The following ERBB4 variants were observed in gnomAD, a reference collection of about 807,000 sequenced individuals.
ERBB4 encodes erb-b2 receptor tyrosine kinase 4.
A neutral mutation model predicts 158.0 loss-of-function variants in ERBB4; 42 were observed. The ratio of observed to expected loss-of-function variants is 0.27; its 90% CI spans 0.21 to 0.34. The LOEUF is 0.34. Ranked by LOEUF, ERBB4 falls within the 10% of genes least tolerant of loss-of-function variation. ERBB4 has a pLI of 1.00. For synonymous variants in ERBB4, 583 were observed against 558.7 expected (o/e 1.04, Z -0.61); for missense variants, 1,333 against 1,624.1 (o/e 0.82, Z 3.08).
chr2:211,727,246 A>C (rs997409117), intron 5 of ERBB4, among the ~76,000 whole-genome samples: 3 of 152,176 alleles, frequency 2.0e-5, no homozygotes, highest in African/African-American at 7.2e-5. Flanking sequence ...AATAGGATTG[A>C]AGATAAATAT....
intron 22 of ERBB4, among the ~76,000 whole-genome samples, chr2:211,425,573 A>C (rs967997567): frequency 1.1e-4 from 17 of 152,000 alleles, no homozygotes; most frequent in Admixed American, 3.3e-4. Flanking sequence ...GGCAGGCTGC[A>C]ACAAGTTAAG....
chr2:212,344,684 A>G lies in ERBB4; in HGVS notation c.82+193765T>C, dbSNP rs140337441. Among the ~76,000 whole-genome samples the G allele has an allele frequency of 6.4e-3, 968 of 152,258 alleles. 9 individuals are homozygous for G. The highest frequency in any genetic ancestry group is 0.02 in the African/African-American group (831 of 41,534). On this transcript the variant is annotated intron_variant, in intron 1 of 27. Coordinates refer to ENST00000342788, the MANE Select transcript of ERBB4 (RefSeq NM_005235.3). Reference sequence around the variant, plus strand: ...ACCTTATTTCAACTCTAAAAGTCCTACTTTCATGGTATATAACAATGCAGT... The same window carrying G: ...ACCTTATTTCAACTCTAAAAGTCCTGCTTTCATGGTATATAACAATGCAGT...
chr2:211,599,942 A>G (rs1481423041), intron 19 of ERBB4, among the ~76,000 whole-genome samples: 1 of 152,136 alleles, frequency 6.6e-6, no homozygotes, highest in Non-Finnish European at 1.5e-5. Context: ...CCACTTCTCA[A>G]TATGGGTGCT....
intron 2 of ERBB4, among the ~76,000 whole-genome samples, chr2:212,006,979 T>C (rs973822195): frequency 6.6e-6 from 1 of 152,024 alleles, no homozygotes; most frequent in African/African-American, 2.4e-5. Flanking sequence ...TTACCTAAAA[T>C]AATAATTCAA....
intron 12 of ERBB4, among the ~76,000 whole-genome samples, chr2:211,701,453 G>T (rs1291933496): frequency 6.6e-6 from 1 of 151,706 alleles, no homozygotes; most frequent in Non-Finnish European, 1.5e-5. Context: ...TCCACAGGAG[G>T]GTTCTTAAGA....
intron 1 of ERBB4, among the ~76,000 whole-genome samples, chr2:212,238,304 T>C (rs1288706324): frequency 1.3e-5 from 2 of 152,184 alleles, no homozygotes; most frequent in African/African-American, 4.8e-5. Context: ...GCTCAGTCCC[T>C]CATGATTTTC....
At chr2:211,690,482 T>C (rs1271287710) in intron 12 of ERBB4, among the ~76,000 whole-genome samples, 4 of 152,160 alleles carry the variant, frequency 2.6e-5, no homozygotes, top group African/African-American at 7.2e-5. Flanking sequence ...CTTTATCATA[T>C]GCCCAATTTC....
chr2:212,016,087 A>G (rs2076522918), intron 2 of ERBB4, among the ~76,000 whole-genome samples: 1 of 151,904 alleles, frequency 6.6e-6, no homozygotes, highest in South Asian at 2.1e-4. Context: ...ACAAAACACA[A>G]TGTAAACTTC....
chr2:212,330,589 G>T (rs1224338473), intron 1 of ERBB4, among the ~76,000 whole-genome samples: 2 of 151,826 alleles, frequency 1.3e-5, no homozygotes, highest in Admixed American at 6.6e-5. Context: ...CTCCAGCCTG[G>T]GTGACAGAGT....
intron 19 of ERBB4, among the ~76,000 whole-genome samples, chr2:211,603,317 G>C (rs2068860821): frequency 6.6e-6 from 1 of 152,122 alleles, no homozygotes; most frequent in Non-Finnish European, 1.5e-5. Flanking sequence ...TTTCCTGTAA[G>C]TATCTGACAT....
At chr2:211,974,689 A>T (rs368455257) in intron 2 of ERBB4, among the ~76,000 whole-genome samples, 20 of 152,290 alleles carry the variant, frequency 1.3e-4, no homozygotes, top group African/African-American at 4.8e-4. Context: ...CTGGAGGCAG[A>T]GGCTGCAGTG....
At chr2:212,374,071 T>TATATATCC (rs2090232581) in intron 1 of ERBB4, among the ~76,000 whole-genome samples, 1 of 96,198 alleles carries the variant, frequency 1.0e-5, no homozygotes, top group African/African-American at 3.5e-5. Context: ...TATATATCCA[T>TATATATCC]ATATATATCC....
intron 25 of ERBB4, among the ~76,000 whole-genome samples, chr2:211,392,610 T>C (rs1429303818): frequency 7.0e-6 from 1 of 142,538 alleles, no homozygotes; most frequent in Non-Finnish European, 1.5e-5. Context: ...ACCCCAATAA[T>C]GACTCTATGA....
intron 2 of ERBB4, among the ~76,000 whole-genome samples, chr2:212,033,764 T>C (rs1477364043): frequency 6.6e-6 from 1 of 151,924 alleles, no homozygotes; most frequent in Non-Finnish European, 1.5e-5. Context: ...TTTAATTTAA[T>C]ATAATCTCTG....
intron 3 of ERBB4, among the ~76,000 whole-genome samples, chr2:211,901,188 T>G (rs1460457922): frequency 6.6e-6 from 1 of 152,182 alleles, no homozygotes; most frequent in Non-Finnish European, 1.5e-5. Context: ...CCAGAGGATA[T>G]GTCTTAGGTC....
At chr2:211,432,642 A>AGAT (rs61558196) in intron 20 of ERBB4, among the ~76,000 whole-genome samples, 2,665 of 151,812 alleles carry the variant, frequency 0.018, 88 homozygotes, top group African/African-American at 0.061. Flanking sequence ...ATTGCCTTGG[A>AGAT]GATAGAATAT....
At chr2:212,277,190 C>A (rs963160752) in intron 1 of ERBB4, among the ~76,000 whole-genome samples, 1 of 151,688 alleles carries the variant, frequency 6.6e-6, no homozygotes. Flanking sequence ...CTGCGATACA[C>A]ATTGACTGAA....
At chr2:211,735,963 G>A (rs2074584895) in intron 5 of ERBB4, among the ~76,000 whole-genome samples, 2 of 151,196 alleles carry the variant, frequency 1.3e-5, no homozygotes, top group Admixed American at 6.6e-5. Context: ...GACTAGCCTA[G>A]GCAACATAAT....
chr2:212,331,107 T>C (rs1199704139), intron 1 of ERBB4, among the ~76,000 whole-genome samples: 1 of 110,388 alleles, frequency 9.1e-6, no homozygotes, highest in Non-Finnish European at 2.1e-5. Flanking sequence ...ACTTAATCAG[T>C]ATATGAGTTT....
Sources: allele counts gnomAD v4.1 joint callset (sites outside exome capture counted in the v4.1 genomes callset), GRCh38; gene constraint gnomAD v4.1.1; transcripts MANE v1.5; gene names NCBI Gene and HGNC (gene_info 2026-07-23, HGNC 2026-07-21).